Variants in MCC observed in about 807,000 individuals in gnomAD.
The protein encoded by MCC is colorectal mutant cancer protein.
In MCC, 90 loss-of-function variants were observed where a neutral mutation model predicts 116.2. The ratio of observed to expected loss-of-function variants is 0.77; its 90% CI spans 0.65 to 0.92. The LOEUF (loss-of-function observed/expected upper bound fraction) is 0.92. Among genes scored for constraint, MCC ranks in the 40% least tolerant of loss-of-function variants. The pLI is 0.00. For missense variants in MCC, 1,516 were observed against 1,312.2 expected (o/e 1.16, Z -2.40); for synonymous variants, 578 against 510.5 (o/e 1.13, Z -1.78).
chr5:113,107,056 G>A (rs1465390087), intron 6 of MCC, among the ~76,000 whole-genome samples: 1 of 152,100 alleles, frequency 6.6e-6, no homozygotes, highest in Non-Finnish European at 1.5e-5. Flanking sequence ...CAGGAAAGAA[G>A]GGACTTTGAT....
intron 3 of MCC, among the ~76,000 whole-genome samples, chr5:113,283,216 G>A (rs936733277): frequency 2.6e-5 from 4 of 152,228 alleles, no homozygotes; most frequent in African/African-American, 4.8e-5. Flanking sequence ...ATACCAAGGC[G>A]TGAGTACTGT....
chr5:113,396,890 A>G (rs1769542109), intron 1 of MCC, among the ~76,000 whole-genome samples: 1 of 152,152 alleles, frequency 6.6e-6, no homozygotes, highest in Non-Finnish European at 1.5e-5. Context: ...CAAATATTCC[A>G]CTTAACTGAA....
intron 11 of MCC, among the ~76,000 whole-genome samples, chr5:113,077,873 T>G (rs181785573): frequency 6.6e-6 from 1 of 152,186 alleles, no homozygotes. Flanking sequence ...CAGGAGCTGG[T>G]TTTTTGAAAG....
chr5:113,305,740 C>T (rs946050431), intron 3 of MCC, among the ~76,000 whole-genome samples: 4 of 152,186 alleles, frequency 2.6e-5, no homozygotes, highest in Non-Finnish European at 5.9e-5. Context: ...TGTCATTCTA[C>T]AAGTTATATT....
At chr5:113,276,068 A>G (rs1157154261) in intron 3 of MCC, among the ~76,000 whole-genome samples, 1 of 149,182 alleles carries the variant, frequency 6.7e-6, no homozygotes, top group Non-Finnish European at 1.5e-5. Context: ...TCTCAAGGCC[A>G]CAGTGGCCAC....
chr5:113,333,828 TATATATGTATATATGTATATATGTAC>T lies in MCC; in HGVS notation c.627+6665_627+6690del, dbSNP rs1767773481. 3.3e-4 allele frequency among the ~76,000 whole-genome samples: 4 copies of T among 12,274 alleles called. 2 individuals carry two copies. Among genetic ancestry groups the T allele is most frequent in the African/African-American group, 4.8e-4 (4 of 8,266 alleles). The allele number at this position is 12,274 out of a possible 152,430, so 8.1% of individuals were successfully genotyped here. ...ATATATGTATATATGTACATATATGTATATATGTATATATGTATATATGTACATATATGTATATATGTATTCACATA... is the reference window on the plus strand; with the variant it reads ...ATATATGTATATATGTACATATATGTATATATGTATATATGTATTCACATA... On this transcript the variant is annotated intron_variant, in intron 3 of 18. Coordinates refer to ENST00000408903, the MANE Select transcript of MCC (RefSeq NM_001085377.2).
chr5:113,352,607 C>A (rs186018296), intron 2 of MCC, among the ~76,000 whole-genome samples: 149 of 152,194 alleles, frequency 9.8e-4, no homozygotes, highest in African/African-American at 3.3e-3. Context: ...GTAGAAAGTT[C>A]TATGACTTTT....
At chr5:113,481,864 C>T (rs1772387688) in intron 1 of MCC, among the ~76,000 whole-genome samples, 1 of 152,172 alleles carries the variant, frequency 6.6e-6, no homozygotes, top group African/African-American at 2.4e-5. Context: ...ATCACTACAA[C>T]CAATGTTAGA....
intron 2 of MCC, among the ~76,000 whole-genome samples, chr5:113,380,027 T>C (rs966084900): frequency 6.6e-6 from 1 of 152,234 alleles, no homozygotes; most frequent in Admixed American, 6.5e-5. Context: ...TTTAAATCAG[T>C]GTTCTGCAGA....
intron 6 of MCC, among the ~76,000 whole-genome samples, chr5:113,119,160 G>A (rs527868204): frequency 7.7e-4 from 118 of 152,342 alleles, no homozygotes; most frequent in African/African-American, 2.8e-3. Context: ...TGCAGGAACT[G>A]CTATGCTGGT....
chr5:113,276,530 T>C (rs890257857), intron 3 of MCC, among the ~76,000 whole-genome samples: 1 of 152,206 alleles, frequency 6.6e-6, no homozygotes, highest in African/African-American at 2.4e-5. Context: ...GTTATGTAGG[T>C]GTGCTTATAA....
intron 8 of MCC, among the ~76,000 whole-genome samples, chr5:113,094,354 C>G (rs1407316112): frequency 1.3e-5 from 2 of 151,628 alleles, no homozygotes; most frequent in Non-Finnish European, 2.9e-5. Context: ...TGTTTTATAG[C>G]CCACTAAAGT....
intron 3 of MCC, among the ~76,000 whole-genome samples, chr5:113,196,151 A>G (rs1420085031): frequency 6.6e-6 from 1 of 152,190 alleles, no homozygotes; most frequent in African/African-American, 2.4e-5. Context: ...TGATATACCT[A>G]TGGGTGAGAT....
At chr5:113,058,345 C>T (rs753308601) in intron 14 of MCC, among the ~76,000 whole-genome samples, 5 of 152,152 alleles carry the variant, frequency 3.3e-5, no homozygotes, top group Non-Finnish European at 5.9e-5. Flanking sequence ...AGAGGGGTCC[C>T]GGGCTGGCCG....
chr5:113,468,505 A>G lies in MCC; in HGVS notation c.170+19740T>C, dbSNP rs1218991615. On this transcript the variant is annotated intron_variant, in intron 1 of 18. Transcript: ENST00000408903. ...ACATTTATTGATTTGCGTATGTTGA[A>G]CCAGCCTTGCATCCCAGGGATGAAG... Among the ~76,000 whole-genome samples, 3 of 152,300 alleles carry G rather than the reference A, an allele frequency of 2.0e-5. No homozygotes were observed. The East Asian group carries it at 5.8e-4, about 29-fold the overall frequency.
intron 17 of MCC, among the ~76,000 whole-genome samples, chr5:113,037,655 C>T (rs931074290): frequency 2.6e-5 from 4 of 152,130 alleles, no homozygotes; most frequent in Admixed American, 1.3e-4. Context: ...GATTGTGCCA[C>T]TATACTCCGG....
At chr5:113,402,648 T>C (rs1446873493) in intron 1 of MCC, among the ~76,000 whole-genome samples, 2 of 152,226 alleles carry the variant, frequency 1.3e-5, no homozygotes, top group Non-Finnish European at 2.9e-5. Flanking sequence ...TCATGTATAA[T>C]ATTCTGTCTT....
intron 3 of MCC, among the ~76,000 whole-genome samples, chr5:113,214,998 A>ACCATTTCCCTTACTTGGAACACAATCC (rs375287488): frequency 1.3e-5 from 2 of 152,042 alleles, no homozygotes; most frequent in Non-Finnish European, 2.9e-5. Context: ...TTGCACACAA[A>ACCATTTCCCTTACTTGGAACACAATCC]CCATTTCCCT....
At chr5:113,224,114 TCTCA>T (rs1348816596) in intron 3 of MCC, among the ~76,000 whole-genome samples, 1 of 152,080 alleles carries the variant, frequency 6.6e-6, no homozygotes, top group Non-Finnish European at 1.5e-5. Flanking sequence ...TGAGACAGAG[TCTCA>T]CTCACTCACT....
Sources: gnomAD v4.1 joint callset for allele counts (sites outside exome capture counted in the v4.1 genomes callset) on GRCh38, gnomAD v4.1.1 for gene constraint, MANE v1.5 for transcripts, NCBI Gene and HGNC (gene_info 2026-07-23, HGNC 2026-07-21) for gene names.